FOXO3: variants seen among roughly 807,000 people sequenced by gnomAD.
The protein encoded by FOXO3 is forkhead box protein O3.
A neutral mutation model predicts 41.9 loss-of-function variants in FOXO3; 4 were observed. The ratio of observed to expected loss-of-function variants is 0.10; its 90% CI spans 0.05 to 0.22. The LOEUF is 0.22. Among genes scored for constraint, FOXO3 ranks in the 10% least tolerant of loss-of-function variants. The pLI, the probability that FOXO3 is intolerant of heterozygous loss-of-function variation, is 1.00. For synonymous variants in FOXO3, 318 were observed against 389.3 expected, an observed-to-expected ratio of 0.82 and a Z score of 2.16; for missense variants, 534 against 906.8, an observed-to-expected ratio of 0.59 and a Z score of 5.28.
intron 1 of FOXO3, among the ~76,000 whole-genome samples, chr6:108,614,133 A>G (rs937665949): frequency 3.9e-5 from 6 of 152,052 alleles, no homozygotes; most frequent in Non-Finnish European, 7.4e-5. Flanking sequence ...AATATTGTCT[A>G]TCTTATTGAA....
At chr6:108,601,214 G>A (rs1777044281) in intron 1 of FOXO3, among the ~76,000 whole-genome samples, 1 of 151,572 alleles carries the variant, frequency 6.6e-6, no homozygotes, top group African/African-American at 2.4e-5. Flanking sequence ...GGGTTTCACT[G>A]TGTTAGCCGG....
At chr6:108,659,930 G>T (rs966905607) in intron 1 of FOXO3, among the ~76,000 whole-genome samples, 2 of 152,222 alleles carry the variant, frequency 1.3e-5, no homozygotes, top group African/African-American at 2.4e-5. Context: ...TCTCAGTTGG[G>T]TTGGAATTGG....
intron 1 of FOXO3, among the ~76,000 whole-genome samples, chr6:108,657,670 A>G (rs1778727344): frequency 6.6e-6 from 1 of 152,254 alleles, no homozygotes; most frequent in Non-Finnish European, 1.5e-5. Context: ...GTAAGGTGAC[A>G]TACGAATTAG....
intron 1 of FOXO3, among the ~76,000 whole-genome samples, chr6:108,595,190 T>G (rs1776844078): frequency 6.6e-6 from 1 of 152,176 alleles, no homozygotes; most frequent in South Asian, 2.1e-4. Context: ...CCTAAAACAT[T>G]CTTATTTCTG....
intron 1 of FOXO3, among the ~76,000 whole-genome samples, chr6:108,586,155 G>A (rs909702675): frequency 5.3e-5 from 8 of 152,198 alleles, no homozygotes; most frequent in African/African-American, 1.9e-4. Context: ...AATATGTGCA[G>A]TATTAAGAGA....
chr6:108,571,931 A>G (rs1411329795), intron 1 of FOXO3, among the ~76,000 whole-genome samples: 1 of 152,174 alleles, frequency 6.6e-6, no homozygotes, highest in East Asian at 1.9e-4. Context: ...TTCATAGGCT[A>G]CTTTCTTGTC....
intron 1 of FOXO3, among the ~76,000 whole-genome samples, chr6:108,579,714 A>G (rs1388680419): frequency 6.6e-6 from 1 of 152,176 alleles, no homozygotes; most frequent in East Asian, 1.9e-4. Context: ...ATCTGGCATC[A>G]GGATCACTTT....
intron 1 of FOXO3, among the ~76,000 whole-genome samples, chr6:108,567,533 A>G (rs552961004): frequency 2.2e-4 from 33 of 152,328 alleles, no homozygotes; most frequent in African/African-American, 7.9e-4. Context: ...AGATCATCTA[A>G]CTACCTTATT....
At chr6:108,586,752 C>G (rs1417446109) in intron 1 of FOXO3, among the ~76,000 whole-genome samples, 1 of 151,824 alleles carries the variant, frequency 6.6e-6, no homozygotes, top group South Asian at 2.1e-4. Context: ...GAGGGGAAGA[C>G]CAGGGGGCTG....
chr6:108,654,255 A>G (rs938159465), intron 1 of FOXO3, among the ~76,000 whole-genome samples: 2 of 152,194 alleles, frequency 1.3e-5, no homozygotes, highest in Non-Finnish European at 2.9e-5. Flanking sequence ...TTGCCCTCCA[A>G]GAGCACAAAC....
chr6:108,641,952 A>T (rs1376180471), intron 1 of FOXO3, among the ~76,000 whole-genome samples: 1 of 152,182 alleles, frequency 6.6e-6, no homozygotes, highest in South Asian at 2.1e-4. Flanking sequence ...CATTCTGCAT[A>T]TTCTGTGTTG....
intron 1 of FOXO3, among the ~76,000 whole-genome samples, chr6:108,568,086 G>A (rs981994831): frequency 2.6e-5 from 4 of 151,814 alleles, no homozygotes; most frequent in Non-Finnish European, 4.4e-5. Context: ...GGTGGTGCAT[G>A]CCTGTAGTCC....
At chr6:108,623,673 A>G (rs895344873) in intron 1 of FOXO3, among the ~76,000 whole-genome samples, 1 of 152,238 alleles carries the variant, frequency 6.6e-6, no homozygotes, top group Non-Finnish European at 1.5e-5. Context: ...AATGAAGTAT[A>G]TACCAGTTTG....
chr6:108,612,821 C>T lies in FOXO3; in HGVS notation c.622-50634C>T, dbSNP rs181669383. 1.3e-3 allele frequency among the ~76,000 whole-genome samples: 203 copies of T among 152,256 alleles called. 2 individuals carry two copies. The highest frequency in any genetic ancestry group is 4.5e-3 in the African/African-American group (189 of 41,550). The stretch of plus-strand genomic sequence containing the variant: ...GCAGTGGTGAAAGCAGAGATCCTTA[C>T]CATTTTTCTCATCTTAAGGGGAAAG... On this transcript the variant is annotated intron_variant, in intron 1 of 2. Transcript: ENST00000406360.
At chr6:108,632,734 T>C (rs947715504) in intron 1 of FOXO3, among the ~76,000 whole-genome samples, 4 of 152,158 alleles carry the variant, frequency 2.6e-5, no homozygotes, top group Non-Finnish European at 4.4e-5. Context: ...TTGACCCTTA[T>C]AGATGTAGAG....
chr6:108,642,679 C>G (rs1464823943), intron 1 of FOXO3, among the ~76,000 whole-genome samples: 1 of 152,138 alleles, frequency 6.6e-6, no homozygotes, highest in Non-Finnish European at 1.5e-5. Flanking sequence ...TTCGGCAGCT[C>G]TCATCCAATT....
chr6:108,563,395 G>A (rs1011566578), intron 1 of FOXO3, among the ~76,000 whole-genome samples: 2 of 152,214 alleles, frequency 1.3e-5, no homozygotes, highest in Non-Finnish European at 2.9e-5. Context: ...CCAGGTGTAT[G>A]ATACGAGAGT....
At chr6:108,565,555 AG>A (rs1404812558) in intron 1 of FOXO3, among the ~76,000 whole-genome samples, 1 of 152,224 alleles carries the variant, frequency 6.6e-6, no homozygotes, top group Non-Finnish European at 1.5e-5. Context: ...CCCATGGGTC[AG>A]GGTGTAATCA....
At chr6:108,569,858 G>A (rs781354303) in intron 1 of FOXO3, among the ~76,000 whole-genome samples, 7 of 152,100 alleles carry the variant, frequency 4.6e-5, no homozygotes, top group Non-Finnish European at 1.0e-4. Flanking sequence ...CCTTCCTTCT[G>A]GAGTGAACCT....
Sources: gnomAD v4.1 joint callset for allele counts (sites outside exome capture counted in the v4.1 genomes callset) on GRCh38, gnomAD v4.1.1 for gene constraint, MANE v1.5 for transcripts, NCBI Gene and HGNC (gene_info 2026-07-23, HGNC 2026-07-21) for gene names.